Variants in LTBP2 observed in about 807,000 individuals in gnomAD.
The protein encoded by LTBP2 is latent transforming growth factor beta binding protein 2.
LTBP2 carries 103 observed loss-of-function variants against 210.6 expected under a neutral mutation model. The ratio of observed to expected loss-of-function variants is 0.49; its 90% CI spans 0.42 to 0.58. The LOEUF is 0.58. LTBP2 is among the 20% of genes least tolerant of loss of function. LTBP2 has a pLI of 0.00. For synonymous variants in LTBP2, 1,007 were observed against 1,015.0 expected, an observed-to-expected ratio of 0.99 and a Z score of 0.15; for missense variants, 2,313 against 2,494.5, an observed-to-expected ratio of 0.93 and a Z score of 1.55.
intron 8 of LTBP2, among the ~76,000 whole-genome samples, chr14:74,540,022 A>G (rs1276011569): frequency 6.6e-6 from 1 of 152,184 alleles, no homozygotes; most frequent in African/African-American, 2.4e-5. Context: ...GAGGGAAATA[A>G]ATGCCAAGCC....
rs1050236122 is a variant in LTBP2, at chr14:74,528,764, T to C, written c.2153-66A>G. On this transcript the variant is annotated intron_variant, in intron 11 of 35. Transcript: ENST00000261978. Reference sequence around the variant, plus strand: ...TTCCTGCAGGAAACCAGGGCCTTCCTTTCCCTCCCTTTGGGAGACACGGCA... The same window carrying C: ...TTCCTGCAGGAAACCAGGGCCTTCCCTTCCCTCCCTTTGGGAGACACGGCA... The C allele has an allele frequency of 2.3e-5, 37 of 1,577,074 alleles. No individual in the cohort carries two copies. In the African/African-American group the frequency reaches 3.8e-4, roughly 16 times the overall value.
intron 2 of LTBP2, among the ~76,000 whole-genome samples, chr14:74,595,601 C>T (rs2088349123): frequency 6.6e-6 from 1 of 152,160 alleles, no homozygotes; most frequent in Non-Finnish European, 1.5e-5. Context: ...CAGCACCAGC[C>T]CCGCGCCCAG....
Position 74,582,397 on chromosome 14 carries a change from TACACACACAC to T in LTBP2, c.830+3447_830+3456del, listed in dbSNP as rs58985238. On this transcript the variant is annotated intron_variant, in intron 3 of 35. Transcript: ENST00000261978. ...GTGTACATGCACACACACACATACA[TACACACACAC>T]ACACACACACACACACACACACACA... is the stretch of plus-strand genomic sequence containing the variant. 3.1e-3 allele frequency among the ~76,000 whole-genome samples: 440 copies of T among 140,824 alleles called. 2 individuals carry two copies. Among genetic ancestry groups the T allele is most frequent in the African/African-American group, 8.0e-3 (299 of 37,202 alleles). 92.4% of individuals were successfully genotyped at this position (140,824 alleles called of 152,430 possible).
chr14:74,579,419 G>A (rs1462385876), intron 3 of LTBP2, among the ~76,000 whole-genome samples: 5 of 152,194 alleles, frequency 3.3e-5, no homozygotes, highest in South Asian at 2.1e-4. Flanking sequence ...GCACTGCCAC[G>A]GGAAACCCGT....
rs2086899055 is a variant in LTBP2, at chr14:74,500,739, A to G, written c.*145T>C. 1.5e-5 allele frequency: 17 copies of G among 1,116,904 alleles called. No individual in the cohort carries two copies. The South Asian group carries it at 1.6e-4, about 10-fold the overall frequency. 69.2% of individuals were successfully genotyped at this position (1,116,904 alleles called of 1,614,324 possible). On this transcript the variant is annotated 3_prime_UTR_variant, in exon 36 of 36. Transcript: ENST00000261978. The stretch of plus-strand genomic sequence containing the variant: ...GACCGAAGCTTACAGCCAGAGGCTA[A>G]GCTGGGAGAGATGAAAGCAGGCAAG...
chr14:74,508,214 G>T, intron 24 of LTBP2, 119 bp from the exon 25 acceptor site: 1 of 1,261,288 alleles, frequency 7.9e-7, no homozygotes, highest in Non-Finnish European at 1.1e-6. Flanking sequence ...GCTTATGTAG[G>T]AAAAGGCTCG....
In LTBP2 at chr14:74,540,820, ATTT is replaced by A. The variant is rs1176431985; in HGVS notation, c.1790-4823_1790-4821del. 1.9e-3 allele frequency among the ~76,000 whole-genome samples: 37 copies of A among 19,516 alleles called. 2 individuals are homozygous for A. The highest frequency in any genetic ancestry group is 0.013 in the Non-Finnish European group (14 of 1,058). The allele number at this position is 19,516 out of a possible 152,430, so 12.8% of individuals were successfully genotyped here. A position where few individuals can be genotyped will look rare whatever the true frequency, so the allele number is the denominator to read the frequency against. Reference sequence around the variant, plus strand: ...TTATATATATATATAATATATATATATTTTTATATAATATATATTTATATATAT... The same window carrying A: ...TTATATATATATATAATATATATATATTATATAATATATATTTATATATAT... On this transcript the variant is annotated intron_variant, in intron 8 of 35. Transcript: ENST00000261978.
intron 20 of LTBP2, 78 bp downstream of exon 20, chr14:74,510,013 C>G: frequency 1.9e-6 from 3 of 1,612,112 alleles, no homozygotes; most frequent in Non-Finnish European, 2.5e-6. Flanking sequence ...ATTCAGGGGG[C>G]CAAGGGTGGT....
intron 12 of LTBP2, among the ~76,000 whole-genome samples, chr14:74,528,229 G>C (rs558199716): frequency 6.6e-6 from 1 of 152,286 alleles, no homozygotes; most frequent in African/African-American, 2.4e-5. Context: ...TGGGGGCTGC[G>C]GCTGATCTTT....
chr14:74,573,727 G>A (rs184860656), intron 3 of LTBP2, among the ~76,000 whole-genome samples: 1 of 152,312 alleles, frequency 6.6e-6, no homozygotes, highest in East Asian at 1.9e-4. Context: ...TACATCGAGT[G>A]TGCCATCCCT....
rs371257103 is a variant in LTBP2 at position 74,504,051 on chromosome 14, G to C, written c.4457C>G (p.Ala1486Gly). ...AGGCCCGAATATCACACACTCATCCGCATCTGTGGAAGGCAGAGCTGAGGT... is the reference window on the plus strand; with the variant it reads ...AGGCCCGAATATCACACACTCATCCCCATCTGTGGAAGGCAGAGCTGAGGT... ...WTFGQTMYTD[A>G]DECVIFGPGL... is the part of the protein sequence containing the mutation. The change falls in exon 31 of 36, where the codon GCG becomes GGG. Residue 1486 changes from alanine (A) to glycine (G), a missense_variant. Physicochemically the swap from Ala to Gly is moderately conservative, Grantham distance 60. Coordinates refer to ENST00000261978, the MANE Select transcript of LTBP2 (RefSeq NM_000428.3). The C allele has an allele frequency of 1.2e-5, 20 of 1,613,620 alleles. No individual in the cohort carries two copies. The highest frequency in any genetic ancestry group is 1.7e-5 in the Admixed American group (1 of 59,988).
Position 74,501,422 on chromosome 14 carries a change from A to G in LTBP2, c.5320+19T>C, listed in dbSNP as rs1735384869. 2 of 1,613,928 alleles carry G rather than the reference A, an allele frequency of 1.2e-6. No homozygotes were observed. The highest frequency in any genetic ancestry group is 8.5e-7 in the Non-Finnish European group (1 of 1,179,976). The stretch of plus-strand genomic sequence containing the variant: ...GGCAGTGGGCCAGCCTGACTCCTCC[A>G]TCAGAATTCTGCACTTACCTACGCA... On this transcript the variant is annotated intron_variant, in intron 35 of 35. Transcript: ENST00000261978.
Position 74,586,056 on chromosome 14 carries a change from G to A in LTBP2, c.628C>T (p.Arg210Cys), listed in dbSNP as rs1203026458. ...SCSRPQLCVCRSGFRGARCEE... is the reference protein window; with the variant it reads ...SCSRPQLCVCCSGFRGARCEE... ...CAGCGGGCTCCACGGAAACCAGAGC[G>A]GCAGACACAGAGCTGCGGGCGGCTG... The change falls in exon 3 of 36, where the codon CGC becomes TGC. Residue 210 changes from arginine to cysteine, a missense_variant. Physicochemically the swap from Arg to Cys is radical, Grantham distance 180. Transcript: ENST00000261978. The surrounding 1 kb of genome is among the most constrained non-coding windows in gnomAD (Gnocchi z 4.6). 3 of 1,602,046 alleles carry A rather than the reference G, an allele frequency of 1.9e-6. No homozygotes were observed. Among genetic ancestry groups the A allele is most frequent in the Non-Finnish European group, 2.6e-6 (3 of 1,174,648 alleles).
In LTBP2 at chr14:74,549,854, A is replaced by G. The variant is rs564012893; in HGVS notation, c.1789+9T>C. 6.2e-7 allele frequency: 1 copy of G among 1,611,428 alleles called. No individual in the cohort carries two copies. The highest frequency in any genetic ancestry group is 1.3e-5 in the African/African-American group (1 of 74,970). ...TCCACAACACGTGACCTTGGACTCC[A>G]GCACTCACCTGGTCTGGGTGGGCAT... On this transcript the variant is annotated intron_variant, in intron 8 of 35. Coordinates refer to ENST00000261978, the MANE Select transcript of LTBP2 (RefSeq NM_000428.3).
At chr14:74,501,096 T>C (rs1033195815) in intron 35 of LTBP2, 67 bp from the exon 36 acceptor site, 3 of 1,546,562 alleles carry the variant, frequency 1.9e-6, no homozygotes, top group Non-Finnish European at 2.6e-6. Flanking sequence ...TCCACCTCTC[T>C]GGTTAGTAAG....
chr14:74,534,605 T>A (rs2087395414), intron 9 of LTBP2, among the ~76,000 whole-genome samples: 1 of 152,128 alleles, frequency 6.6e-6, no homozygotes, highest in Non-Finnish European at 1.5e-5. Context: ...AATGCCCCGC[T>A]CATTAGACCT....
At position 74,555,579 on chromosome 14, in the gene LTBP2, C is replaced by T. The variant is rs2139752451; in HGVS notation, c.945G>A (p.Leu315=). ...TCTGCTCAAGGCCTGGTCCCGGGGG[C>T]AGGGCGTTGGAAGAGAGCTGGCTAC... ...TASSQLSSNA[L]PPGPGLEQRD... Residue 315 remains leucine, a synonymous_variant, in exon 4 of 36, where the codon CTG becomes CTA. Transcript: ENST00000261978. The T allele has an allele frequency of 6.2e-7, 1 of 1,612,204 alleles. No homozygotes were observed. The highest frequency in any genetic ancestry group is 8.5e-7 in the Non-Finnish European group (1 of 1,178,964).
Position 74,522,135 on chromosome 14 carries a change from G to A in LTBP2, c.2660-96C>T. On this transcript the variant is annotated intron_variant, in intron 16 of 35. Coordinates refer to ENST00000261978, the MANE Select transcript of LTBP2 (RefSeq NM_000428.3). The stretch of plus-strand genomic sequence containing the variant: ...CCTGCCCACACTAGGGGCTGGGCAG[G>A]GGATGGTGCTGTGTGGCAAGGAAGG... 2.8e-6 allele frequency: 4 copies of A among 1,418,936 alleles called. No homozygotes were observed. The Admixed American group carries it at 5.9e-5, about 21-fold the overall frequency. 87.9% of individuals were successfully genotyped at this position (1,418,936 alleles called of 1,614,324 possible). A position where few individuals can be genotyped will look rare whatever the true frequency, so the allele number is the denominator to read the frequency against.
intron 2 of LTBP2, among the ~76,000 whole-genome samples, chr14:74,602,917 C>T (rs1269688203): frequency 6.6e-6 from 1 of 152,236 alleles, no homozygotes; most frequent in Non-Finnish European, 1.5e-5. Context: ...GAGGTGGATT[C>T]TCATCACATG....
Sources: gnomAD v4.1 joint callset for allele counts (sites outside exome capture counted in the v4.1 genomes callset) on GRCh38, gnomAD v4.1.1 for gene constraint, Gnocchi (gnomAD v3.1) non-coding constraint, MANE v1.5 for transcripts, NCBI Gene and HGNC (gene_info 2026-07-23, HGNC 2026-07-21) for gene names.